The following SRL variants were observed in gnomAD, a reference collection of about 807,000 sequenced individuals.
SRL encodes sarcalumenin.
Under a neutral mutation model 39.5 loss-of-function variants are expected in SRL, and 23 were observed. The ratio of observed to expected loss-of-function variants is 0.58; its 90% CI spans 0.42 to 0.82. SRL has a LOEUF of 0.82. Among genes scored for constraint, SRL ranks in the 40% least tolerant of loss-of-function variants. SRL has a pLI of 0.00. For missense variants in SRL, 592 were observed against 607.8 expected, an observed-to-expected ratio of 0.97 and a Z score of 0.27; for synonymous variants, 272 against 237.4, an observed-to-expected ratio of 1.15 and a Z score of -1.34.
chr16:4,205,448 C>A (rs1451523479), intron 1 of SRL, among the ~76,000 whole-genome samples: 1 of 151,986 alleles, frequency 6.6e-6, no homozygotes, highest in Non-Finnish European at 1.5e-5. Flanking sequence ...AAAATGTAAT[C>A]ATTACAGATG....
At chr16:4,228,444 C>G (rs1354214889) in intron 1 of SRL, among the ~76,000 whole-genome samples, 2 of 150,616 alleles carry the variant, frequency 1.3e-5, no homozygotes, top group South Asian at 2.1e-4. Flanking sequence ...TTGAAACAAA[C>G]AAACAAAAAG....
intron 3 of SRL, among the ~76,000 whole-genome samples, chr16:4,198,184 C>G (rs764862768): frequency 6.6e-6 from 1 of 152,222 alleles, no homozygotes; most frequent in African/African-American, 2.4e-5. Context: ...TCAACAAACC[C>G]TGACTCCGAA....
At chr16:4,207,422 A>G (rs772293451) in intron 1 of SRL, 4 of 456,318 alleles carry the variant, frequency 8.8e-6, no homozygotes, top group South Asian at 6.2e-5. Flanking sequence ...ACTCTCCCCC[A>G]ACAGCCGCGA....
At chr16:4,199,206 A>G (rs1418480983) in intron 3 of SRL, among the ~76,000 whole-genome samples, 1 of 152,144 alleles carries the variant, frequency 6.6e-6, no homozygotes, top group Admixed American at 6.6e-5. Flanking sequence ...AAGATCAGGA[A>G]TATAAAAAGG....
intron 1 of SRL, chr16:4,207,312 C>T (rs75825892): frequency 0.031 from 14,019 of 456,846 alleles, 374 homozygotes; most frequent in Admixed American, 0.088. Context: ...TGCCTTAACG[C>T]TTTGGGCGCC....
chr16:4,206,577 A>T (rs2141036083), intron 1 of SRL: 1 of 407,262 alleles, frequency 2.5e-6, no homozygotes, highest in East Asian at 7.2e-5. Context: ...GCCAATGCAC[A>T]GCCTGAAGCC....
At chr16:4,219,847 G>A (rs2052501210) in intron 1 of SRL, among the ~76,000 whole-genome samples, 1 of 152,060 alleles carries the variant, frequency 6.6e-6, no homozygotes, top group Admixed American at 6.5e-5. Flanking sequence ...CGTCAGCAGA[G>A]GCATGCAGGA....
chr16:4,220,931 A>G (rs1206600090), intron 1 of SRL, among the ~76,000 whole-genome samples: 1 of 152,000 alleles, frequency 6.6e-6, no homozygotes, highest in Non-Finnish European at 1.5e-5. Flanking sequence ...GGCTGCAGTG[A>G]GCTATGATTG....
At chr16:4,209,482 A>G (rs993629465) in intron 1 of SRL, among the ~76,000 whole-genome samples, 11 of 151,984 alleles carry the variant, frequency 7.2e-5, no homozygotes, top group South Asian at 2.1e-4. Flanking sequence ...TATCTGCTGG[A>G]TGCAGACAAC....
At chr16:4,224,275 A>T (rs1481680433) in intron 1 of SRL, among the ~76,000 whole-genome samples, 1 of 152,194 alleles carries the variant, frequency 6.6e-6, no homozygotes, top group Non-Finnish European at 1.5e-5. Flanking sequence ...GAAGAGAAAA[A>T]CACCAACCCT....
At chr16:4,229,467 ATGT>A (rs1285008617) in intron 1 of SRL, among the ~76,000 whole-genome samples, 1 of 152,002 alleles carries the variant, frequency 6.6e-6, no homozygotes, top group Non-Finnish European at 1.5e-5. Flanking sequence ...AACAAAAAAC[ATGT>A]TGTTTGCAGA....
At chr16:4,216,414 A>G (rs1448384951) in intron 1 of SRL, among the ~76,000 whole-genome samples, 2 of 152,026 alleles carry the variant, frequency 1.3e-5, no homozygotes, top group African/African-American at 2.4e-5. Flanking sequence ...CGGGACCACA[A>G]GTGCACGCAA....
intron 4 of SRL, among the ~76,000 whole-genome samples, chr16:4,196,335 C>T (rs758305568): frequency 1.7e-4 from 26 of 152,172 alleles, no homozygotes; most frequent in African/African-American, 2.9e-4. Flanking sequence ...GTGCAACCAT[C>T]GCCACCATCC....
At chr16:4,232,236 G>C (rs2052667167) in intron 1 of SRL, among the ~76,000 whole-genome samples, 2 of 152,244 alleles carry the variant, frequency 1.3e-5, no homozygotes, top group Admixed American at 6.5e-5. Flanking sequence ...CCAGGACAGG[G>C]TGAGTACTTG....
chr16:4,205,577 T>G, intron 1 of SRL, among the ~76,000 whole-genome samples: 1 of 150,046 alleles, frequency 6.7e-6, no homozygotes. Context: ...CTGGGGGGAG[T>G]GAGTTAGGTG....
intron 1 of SRL, among the ~76,000 whole-genome samples, chr16:4,229,856 C>T (rs1002174309): frequency 1.3e-5 from 2 of 152,126 alleles, no homozygotes; most frequent in Non-Finnish European, 2.9e-5. Flanking sequence ...TGCACCATCT[C>T]CTGCTTGGCT....
chr16:4,210,593 C>T (rs1456394487), intron 1 of SRL, among the ~76,000 whole-genome samples: 1 of 147,148 alleles, frequency 6.8e-6, no homozygotes, highest in Non-Finnish European at 1.5e-5. Flanking sequence ...CGGGTTCAAG[C>T]GATTCTTCTG....
At chr16:4,209,735 TACA>T (rs1324111040) in intron 1 of SRL, among the ~76,000 whole-genome samples, 5 of 152,224 alleles carry the variant, frequency 3.3e-5, no homozygotes, top group African/African-American at 9.6e-5. Context: ...GATTGAAATA[TACA>T]ACTTTTCCCC....
intron 3 of SRL, 103 bp downstream of exon 3, chr16:4,203,063 G>T: frequency 2.0e-6 from 2 of 998,764 alleles, no homozygotes; most frequent in Non-Finnish European, 1.6e-6. Context: ...TCCTGAACCT[G>T]TGTGGGTACC....
Sources: allele counts gnomAD v4.1 joint callset (sites outside exome capture counted in the v4.1 genomes callset), GRCh38; gene constraint gnomAD v4.1.1; transcripts MANE v1.5; gene names NCBI Gene and HGNC (gene_info 2026-07-23, HGNC 2026-07-21).